C12orf42: variants seen among roughly 807,000 people sequenced by gnomAD.
C12orf42 encodes the protein chromosome 12 open reading frame 42.
In C12orf42, 25 loss-of-function variants were observed where a neutral mutation model predicts 21.6. That is an observed-to-expected ratio of 1.16 (90% CI 0.84 to 1.62). C12orf42 has a LOEUF of 1.62. C12orf42 is among the 40% of genes most tolerant of loss of function. The pLI, the probability that C12orf42 is intolerant of heterozygous loss-of-function variation, is 0.00. For missense variants in C12orf42, 483 were observed against 459.3 expected (o/e 1.05, Z -0.47); for synonymous variants, 174 against 175.0 (o/e 0.99, Z 0.05).
At chr12:103,218,888 T>C in the C12orf42 span, among the ~76,000 whole-genome samples, 1 of 152,256 alleles carries the variant, frequency 6.6e-6, no homozygotes, top group East Asian at 1.9e-4. Context: ...ATTTGAATTG[T>C]TACCACAACC....
chr12:103,359,879 A>G (rs777822807), intron 4 of C12orf42, among the ~76,000 whole-genome samples: 20 of 151,684 alleles, frequency 1.3e-4, no homozygotes, highest in Non-Finnish European at 2.9e-4. Context: ...GAATGACTTA[A>G]TGAATATGTA....
At chr12:103,060,873 GA>G in the C12orf42 span, among the ~76,000 whole-genome samples, 1 of 152,138 alleles carries the variant, frequency 6.6e-6, no homozygotes, top group South Asian at 2.1e-4. Context: ...AAAAACCCCA[GA>G]AAAAAACCTA....
At chr12:103,413,221 A>G (rs2049001304) in intron 2 of C12orf42, among the ~76,000 whole-genome samples, 1 of 152,102 alleles carries the variant, frequency 6.6e-6, no homozygotes, top group East Asian at 1.9e-4. Context: ...TCCTTTCCCC[A>G]TTGCTTCTTT....
At chr12:103,375,320 G>A (rs1189583353) in intron 3 of C12orf42, among the ~76,000 whole-genome samples, 1 of 152,130 alleles carries the variant, frequency 6.6e-6, no homozygotes, top group Non-Finnish European at 1.5e-5. Flanking sequence ...AGCTCTAGAT[G>A]TACTAAAATT....
chr12:103,432,656 G>A (rs935833383), intron 2 of C12orf42, among the ~76,000 whole-genome samples: 6 of 152,184 alleles, frequency 3.9e-5, no homozygotes, highest in Non-Finnish European at 8.8e-5. Flanking sequence ...AGTACTTTAG[G>A]TTGTGACTAC....
Position 103,483,882 on chromosome 12 carries a change from G to T in C12orf42, c.-21-5435C>A, listed in dbSNP as rs1378181252. ...TGTGTCCAAGTGTTCTCATTGTTCA[G>T]TTCCCACCTATGAGTGAGAATATGC... On this transcript the variant is annotated intron_variant, in intron 1 of 5. Transcript: ENST00000548883. Among the ~76,000 whole-genome samples, 63 of 152,030 alleles carry T rather than the reference G, an allele frequency of 4.1e-4. 1 individual carries two copies. The highest frequency in any genetic ancestry group is 4.1e-3 in the Admixed American group (62 of 15,264).
intron 1 of C12orf42, among the ~76,000 whole-genome samples, chr12:103,486,185 G>A (rs142318029): frequency 0.027 from 4,059 of 152,244 alleles, 159 homozygotes; most frequent in African/African-American, 0.091. Flanking sequence ...AGCACGAAGC[G>A]CTGTTGAATT....
the C12orf42 span, among the ~76,000 whole-genome samples, chr12:103,519,603 C>A: frequency 4.6e-5 from 7 of 152,204 alleles, no homozygotes; most frequent in Middle Eastern, 3.4e-3. Flanking sequence ...ACCTGGACTA[C>A]AATAAGCAAA....
chr12:103,105,695 G>GTAAAA, the C12orf42 span, among the ~76,000 whole-genome samples: 546 of 152,270 alleles, frequency 3.6e-3, 1 homozygote, highest in African/African-American at 0.012. Context: ...AACTCAGACA[G>GTAAAA]TAGATTAGAA....
At chr12:103,483,960 C>T in intron 1 of C12orf42, among the ~76,000 whole-genome samples, 1 of 152,158 alleles carries the variant, frequency 6.6e-6, no homozygotes, top group East Asian at 1.9e-4. Flanking sequence ...TAGTTTCCAG[C>T]TTCACCCACA....
At chr12:103,082,974 G>T in the C12orf42 span, among the ~76,000 whole-genome samples, 1 of 152,200 alleles carries the variant, frequency 6.6e-6, no homozygotes, top group African/African-American at 2.4e-5. Context: ...GGAGTTTCAG[G>T]AAGAGCTTTA....
Position 103,395,854 on chromosome 12 carries a change from CAT to C in C12orf42, c.147+5751_147+5752del, listed in dbSNP as rs1184571896. Reference sequence around the variant, plus strand: ...TTATAAAATAGTACTCCAGTTATAACATAGTCATAAAAATATATATACACTAT... The same window carrying C: ...TTATAAAATAGTACTCCAGTTATAACAGTCATAAAAATATATATACACTAT... On this transcript the variant is annotated intron_variant, in intron 3 of 5. Coordinates refer to ENST00000548883, the MANE Select transcript of C12orf42 (RefSeq NM_198521.5). 6.7e-5 allele frequency among the ~76,000 whole-genome samples: 10 copies of C among 150,120 alleles called. No homozygotes were observed. In the South Asian group the frequency reaches 1.7e-3, roughly 25 times the overall value.
At chr12:103,217,939 T>C in the C12orf42 span, among the ~76,000 whole-genome samples, 1 of 152,178 alleles carries the variant, frequency 6.6e-6, no homozygotes, top group Admixed American at 6.5e-5. Context: ...TTCTTGTCTA[T>C]ACCATTCATT....
chr12:103,324,392 C>T (rs975479182), intron 4 of C12orf42, among the ~76,000 whole-genome samples: 3 of 151,868 alleles, frequency 2.0e-5, no homozygotes, highest in African/African-American at 4.8e-5. Flanking sequence ...ATTAAGTCTC[C>T]GACTCACCCA....
chr12:103,203,198 C>A, the C12orf42 span, among the ~76,000 whole-genome samples: 6 of 152,116 alleles, frequency 3.9e-5, no homozygotes, highest in African/African-American at 1.4e-4. Context: ...CCTAGCTTTG[C>A]CCTTCCCTCT....
intron 2 of C12orf42, among the ~76,000 whole-genome samples, chr12:103,451,041 T>C (rs1371033828): frequency 1.3e-5 from 2 of 152,090 alleles, no homozygotes; most frequent in Non-Finnish European, 2.9e-5. Flanking sequence ...TCTTCCTCTC[T>C]CTATATCATT....
rs1424249367 is a variant in C12orf42, at chr12:103,352,353, G to A, written c.259+16534C>T. Reference sequence around the variant, plus strand: ...AGAGACTATGAAGAAATAAAAATAAGTAGCTTCACTCTATCACAATGGCAC... The same window carrying A: ...AGAGACTATGAAGAAATAAAAATAAATAGCTTCACTCTATCACAATGGCAC... On this transcript the variant is annotated intron_variant, in intron 4 of 5. Coordinates refer to ENST00000548883, the MANE Select transcript of C12orf42 (RefSeq NM_198521.5). 2.0e-5 allele frequency among the ~76,000 whole-genome samples: 3 copies of A among 152,168 alleles called. No individual in the cohort carries two copies. In the East Asian group the frequency reaches 5.8e-4, roughly 29 times the overall value.
At chr12:103,334,789 G>C (rs1322990701) in intron 4 of C12orf42, among the ~76,000 whole-genome samples, 1 of 152,162 alleles carries the variant, frequency 6.6e-6, no homozygotes, top group Admixed American at 6.5e-5. Context: ...TTGTTGCTGC[G>C]CCAACCACCA....
intron 4 of C12orf42, among the ~76,000 whole-genome samples, chr12:103,348,657 AT>A (rs1465972516): frequency 6.6e-6 from 1 of 152,194 alleles, no homozygotes; most frequent in Non-Finnish European, 1.5e-5. Context: ...CATTTCGGGA[AT>A]TTTTGAAAAA....
Sources: allele counts gnomAD v4.1 joint callset (sites outside exome capture counted in the v4.1 genomes callset), GRCh38; gene constraint gnomAD v4.1.1; transcripts MANE v1.5; gene names NCBI Gene and HGNC (gene_info 2026-07-23, HGNC 2026-07-21).